The following BNIP3L variants were observed in gnomAD, a reference collection of about 807,000 sequenced individuals.
BNIP3L encodes BCL2 interacting protein 3 like.
A neutral mutation model predicts 25.5 loss-of-function variants in BNIP3L; 10 were observed. The ratio of observed to expected loss-of-function variants is 0.39; its 90% CI spans 0.24 to 0.67. The LOEUF (loss-of-function observed/expected upper bound fraction) is 0.67, where lower values mean the gene tolerates loss of function less well. Ranked by LOEUF, BNIP3L falls within the 30% of genes least tolerant of loss-of-function variation. BNIP3L has a pLI of 0.45. For missense variants in BNIP3L, 215 were observed against 270.9 expected, an observed-to-expected ratio of 0.79 and a Z score of 1.45; for synonymous variants, 113 against 101.2, an observed-to-expected ratio of 1.12 and a Z score of -0.70.
intron 1 of BNIP3L, 59 bp downstream of exon 1, chr8:26,383,289 C>T: frequency 1.3e-6 from 2 of 1,557,450 alleles, no homozygotes; most frequent in South Asian, 1.2e-5. Context: ...GCCCCGGCCG[C>T]CGCCACCGGC....
chr8:26,393,100 C>T (rs1806151257), intron 2 of BNIP3L, among the ~76,000 whole-genome samples: 1 of 151,774 alleles, frequency 6.6e-6, no homozygotes, highest in Non-Finnish European at 1.5e-5. Context: ...GGCTAGAACT[C>T]GAGTCTTCTG....
Position 26,411,722 on chromosome 8 carries a change from A to G in BNIP3L, c.*1310A>G, listed in dbSNP as rs987304831. 1.3e-5 allele frequency: 2 copies of G among 152,690 alleles called. No homozygotes were observed. The highest frequency in any genetic ancestry group is 1.5e-5 in the Non-Finnish European group (1 of 68,046). 9.5% of individuals were successfully genotyped at this position (152,690 alleles called of 1,614,324 possible). On this transcript the variant is annotated 3_prime_UTR_variant, in exon 6 of 6. Coordinates refer to ENST00000380629, the MANE Select transcript of BNIP3L (RefSeq NM_004331.3). ...CTTTAGGACCAAATTGTTAGAAAGC[A>G]TCAGGATGACCAGTTATCTCGAGTA...
intron 3 of BNIP3L, among the ~76,000 whole-genome samples, chr8:26,404,714 G>T (rs1471811539): frequency 6.6e-6 from 1 of 152,092 alleles, no homozygotes; most frequent in Non-Finnish European, 1.5e-5. Flanking sequence ...CGCCGTGCTG[G>T]CCAGGCTGGT....
chr8:26,393,745 A>G (rs1806165218), intron 2 of BNIP3L, among the ~76,000 whole-genome samples: 1 of 152,144 alleles, frequency 6.6e-6, no homozygotes, highest in Admixed American at 6.5e-5. Flanking sequence ...GAGCACAAAG[A>G]TAGTAAACTG....
chr8:26,408,224 C>G lies in BNIP3L; in HGVS notation c.462-3C>G. 6.2e-7 allele frequency: 1 copy of G among 1,613,044 alleles called. No homozygotes were observed. Among genetic ancestry groups the G allele is most frequent in the Non-Finnish European group, 8.5e-7 (1 of 1,179,192 alleles). The stretch of plus-strand genomic sequence containing the variant: ...GACATCTGCCTCTGAATTTCTTTCT[C>G]AGGGAGTTCCACTTCAGACACCCTA... On this transcript the variant is annotated splice_polypyrimidine_tract_variant and splice_region_variant and intron_variant, in intron 4 of 5. Transcript: ENST00000380629.
In BNIP3L at chr8:26,412,221, G is replaced by A. The variant is rs1344663945; in HGVS notation, c.*1809G>A. On this transcript the variant is annotated 3_prime_UTR_variant, in exon 6 of 6. Coordinates refer to ENST00000380629, the MANE Select transcript of BNIP3L (RefSeq NM_004331.3). ...GCCTTCTATAACCTATTTATTTCAAGTGTTCATATTTGAATTTCTTTGGGA... is the reference window on the plus strand; with the variant it reads ...GCCTTCTATAACCTATTTATTTCAAATGTTCATATTTGAATTTCTTTGGGA... The A allele has an allele frequency of 1.3e-5, 2 of 152,100 alleles. No individual in the cohort carries two copies. Among genetic ancestry groups the A allele is most frequent in the African/African-American group, 4.8e-5 (2 of 41,410 alleles). The allele number at this position is 152,100 out of a possible 1,614,324, so 9.4% of individuals were successfully genotyped here.
intron 5 of BNIP3L, among the ~76,000 whole-genome samples, chr8:26,409,000 GAACTA>G (rs1468624460): frequency 6.6e-6 from 1 of 151,390 alleles, no homozygotes; most frequent in African/African-American, 2.4e-5. Flanking sequence ...AGTAATTTAT[GAACTA>G]AACTAATCTT....
At chr8:26,383,903 T>C (rs958185258) in intron 1 of BNIP3L, among the ~76,000 whole-genome samples, 5 of 152,174 alleles carry the variant, frequency 3.3e-5, no homozygotes, top group Non-Finnish European at 7.3e-5. Flanking sequence ...AGTGATTTTT[T>C]TTTTTTTAAA....
intron 3 of BNIP3L, among the ~76,000 whole-genome samples, chr8:26,404,299 A>G (rs187272330): frequency 1.8e-3 from 275 of 152,336 alleles, no homozygotes; most frequent in Admixed American, 3.4e-3. Context: ...TGCCAGCACA[A>G]TGTTGAGTGT....
chr8:26,388,572 G>C (rs1806039345), intron 1 of BNIP3L, among the ~76,000 whole-genome samples: 1 of 152,110 alleles, frequency 6.6e-6, no homozygotes, highest in South Asian at 2.1e-4. Flanking sequence ...AGCTTTTCTA[G>C]GTATGTCTCT....
intron 5 of BNIP3L, 71 bp downstream of exon 5, chr8:26,408,447 A>G: frequency 6.7e-7 from 1 of 1,494,378 alleles, no homozygotes; most frequent in Non-Finnish European, 9.0e-7. Context: ...GAAGAAATGT[A>G]TGTGAAAGCA....
At chr8:26,383,413 C>G in intron 1 of BNIP3L, 183 bp downstream of exon 1, 3 of 1,430,506 alleles carry the variant, frequency 2.1e-6, no homozygotes, top group Admixed American at 5.7e-5. Context: ...TGCTCCGGGC[C>G]TCTCTGTTGC....
At chr8:26,398,951 G>A (rs1806308957) in intron 3 of BNIP3L, among the ~76,000 whole-genome samples, 2 of 151,096 alleles carry the variant, frequency 1.3e-5, no homozygotes, top group African/African-American at 4.9e-5. Context: ...GAAGAGTCCA[G>A]GACCAGATGG....
intron 1 of BNIP3L, chr8:26,390,264 T>G: frequency 1.2e-6 from 1 of 851,624 alleles, no homozygotes; most frequent in Non-Finnish European, 1.4e-6. Flanking sequence ...TCAACTCTTG[T>G]TAAAATTAAA....
intron 3 of BNIP3L, 27 bp downstream of exon 3, chr8:26,395,329 G>C (rs899240423): frequency 6.3e-7 from 1 of 1,597,054 alleles, no homozygotes; most frequent in South Asian, 1.1e-5. Context: ...CTGATTTACA[G>C]TAAACAATTA....
rs77028652 is a variant in BNIP3L at position 26,390,613 on chromosome 8, C to A, written c.101-630C>A. 2.3e-4 allele frequency: 219 copies of A among 939,320 alleles called. No homozygotes were observed. The African/African-American group carries it at 3.8e-3, about 16-fold the overall frequency. The allele number at this position is 939,320 out of a possible 1,614,324, so 58.2% of individuals were successfully genotyped here. On this transcript the variant is annotated intron_variant, in intron 1 of 5. Coordinates refer to ENST00000380629, the MANE Select transcript of BNIP3L (RefSeq NM_004331.3). ...AGTGAGATAGAGATAAAGCTTTTTT[C>A]TGAATTTTTAGCATTATTACCTGAT...
intron 5 of BNIP3L, 72 bp from the exon 6 acceptor site, chr8:26,410,292 A>C: frequency 6.4e-7 from 1 of 1,561,490 alleles, no homozygotes; most frequent in Non-Finnish European, 8.8e-7. Flanking sequence ...TTTTAAGTAG[A>C]GTTCAACCTG....
intron 1 of BNIP3L, among the ~76,000 whole-genome samples, chr8:26,387,794 T>A (rs560899255): frequency 1.7e-4 from 26 of 152,358 alleles, no homozygotes; most frequent in Admixed American, 4.6e-4. Context: ...TAATACCTAT[T>A]GTCAAATTAT....
chr8:26,383,409 G>A, intron 1 of BNIP3L, 179 bp downstream of exon 1: 2 of 1,433,330 alleles, frequency 1.4e-6, no homozygotes, highest in South Asian at 1.5e-5. Context: ...GCCTTGCTCC[G>A]GGCCTCTCTG....
Sources: gnomAD v4.1 joint callset for allele counts (sites outside exome capture counted in the v4.1 genomes callset) on GRCh38, gnomAD v4.1.1 for gene constraint, MANE v1.5 for transcripts, NCBI Gene and HGNC (gene_info 2026-07-23, HGNC 2026-07-21) for gene names.